DEPTOR: variants seen among roughly 807,000 people sequenced by gnomAD.
DEPTOR encodes DEP domain containing MTOR interacting protein, also known as DEP domain-containing mTOR-interacting protein.
DEPTOR carries 41 observed loss-of-function variants against 41.6 expected under a neutral mutation model. The ratio of observed to expected loss-of-function variants is 0.98; its 90% confidence interval spans 0.77 to 1.28. DEPTOR has a LOEUF of 1.28. DEPTOR is among the 50% of genes most tolerant of loss of function. DEPTOR has a pLI of 0.00. For missense variants in DEPTOR, 514 were observed against 527.9 expected (o/e 0.97, Z 0.26); for synonymous variants, 195 against 192.3 (o/e 1.01, Z -0.12).
At chr8:120,010,015 T>C (rs1280657303) in intron 8 of DEPTOR, among the ~76,000 whole-genome samples, 1 of 152,160 alleles carries the variant, frequency 6.6e-6, no homozygotes, top group Non-Finnish European at 1.5e-5. Flanking sequence ...TAGCACATAA[T>C]AGACCATACG....
chr8:119,949,128 A>G (rs1399204717), intron 3 of DEPTOR, among the ~76,000 whole-genome samples: 1 of 152,228 alleles, frequency 6.6e-6, no homozygotes, highest in Non-Finnish European at 1.5e-5. Context: ...GGAATAATAC[A>G]ATGTATGGCC....
At position 120,024,963 on chromosome 8, in the gene DEPTOR, T is replaced by A. The variant is rs566389731; in HGVS notation, c.1101+15830T>A. Among the ~76,000 whole-genome samples, 3 of 152,168 alleles carry A rather than the reference T, an allele frequency of 2.0e-5. No individual in the cohort carries two copies. In the East Asian group the frequency reaches 5.8e-4, roughly 29 times the overall value. On this transcript the variant is annotated intron_variant, in intron 8 of 8. Transcript: ENST00000286234. ...GTTTCTGTCATTGACCGGAAAAAAA[T>A]GTACAAACATCCTTCAACAAGTATT...
chr8:119,951,070 CAA>C (rs1478582274), intron 3 of DEPTOR, among the ~76,000 whole-genome samples: 1,529 of 112,650 alleles, frequency 0.014, 23 homozygotes, highest in African/African-American at 0.04. Context: ...TACACACACA[CAA>C]ACACACACAC....
intron 1 of DEPTOR, among the ~76,000 whole-genome samples, chr8:119,911,300 G>T: frequency 7.1e-6 from 1 of 141,312 alleles, no homozygotes; most frequent in African/African-American, 2.6e-5. Flanking sequence ...ACCATGCTAT[G>T]TACACACATT....
intron 8 of DEPTOR, among the ~76,000 whole-genome samples, chr8:120,034,099 C>T (rs2130180117): frequency 6.6e-6 from 1 of 152,214 alleles, no homozygotes; most frequent in South Asian, 2.1e-4. Flanking sequence ...TGGCTCTCTC[C>T]CCTGGGGGCA....
intron 8 of DEPTOR, among the ~76,000 whole-genome samples, chr8:120,026,861 T>C (rs1015163839): frequency 2.6e-5 from 4 of 152,230 alleles, no homozygotes; most frequent in Admixed American, 1.3e-4. Context: ...ACTATCATAG[T>C]TGTTTCAGAG....
At chr8:119,874,079 G>T (rs1827200321) in intron 1 of DEPTOR, 111 bp downstream of exon 1, 8 of 1,548,512 alleles carry the variant, frequency 5.2e-6, no homozygotes, top group Non-Finnish European at 1.7e-6. Flanking sequence ...CGCGTGGGGC[G>T]CCGGAACGGC....
intron 8 of DEPTOR, among the ~76,000 whole-genome samples, chr8:120,028,605 C>T (rs188376433): frequency 2.0e-5 from 3 of 151,628 alleles, no homozygotes; most frequent in Admixed American, 6.6e-5. Flanking sequence ...GGATTACAGG[C>T]GCCTGCCACC....
At chr8:120,033,642 T>G (rs1410947159) in intron 8 of DEPTOR, among the ~76,000 whole-genome samples, 1 of 152,220 alleles carries the variant, frequency 6.6e-6, no homozygotes, top group African/African-American at 2.4e-5. Flanking sequence ...GAACGAAGAT[T>G]TGGAGGGATC....
intron 7 of DEPTOR, among the ~76,000 whole-genome samples, chr8:120,008,126 A>G (rs886725275): frequency 2.6e-5 from 4 of 152,190 alleles, no homozygotes; most frequent in Admixed American, 6.5e-5. Flanking sequence ...CTAATTCCAA[A>G]CAACTTTTGG....
chr8:119,932,407 G>T (rs1828056619), intron 3 of DEPTOR, among the ~76,000 whole-genome samples: 1 of 138,014 alleles, frequency 7.2e-6, no homozygotes, highest in African/African-American at 2.6e-5. Flanking sequence ...AGTTATGATG[G>T]CAAGACAGTA....
At chr8:120,031,805 C>T (rs1002509684) in intron 8 of DEPTOR, among the ~76,000 whole-genome samples, 8 of 152,136 alleles carry the variant, frequency 5.3e-5, no homozygotes, top group Non-Finnish European at 1.2e-4. Context: ...CCTCCCTGCT[C>T]AAACCTGGGG....
At chr8:120,031,699 C>T (rs1037646841) in intron 8 of DEPTOR, among the ~76,000 whole-genome samples, 1 of 152,088 alleles carries the variant, frequency 6.6e-6, no homozygotes, top group African/African-American at 2.4e-5. Flanking sequence ...CCTTAAACTT[C>T]CTTCTCCTGT....
rs1302958217 is a variant in DEPTOR, at chr8:119,988,988, A to G, written c.605-12537A>G. Reference sequence around the variant, plus strand: ...TTTTTTTTTTTTTTTTTTAATAGAGATGGGGCTTTACCATGTTGCCCAGGC... The same window carrying G: ...TTTTTTTTTTTTTTTTTTAATAGAGGTGGGGCTTTACCATGTTGCCCAGGC... On this transcript the variant is annotated intron_variant, in intron 4 of 8. Coordinates refer to ENST00000286234, the MANE Select transcript of DEPTOR (RefSeq NM_022783.4). Among the ~76,000 whole-genome samples, 5 of 104,360 alleles carry G rather than the reference A, an allele frequency of 4.8e-5. No homozygotes were observed. The East Asian group carries it at 1.5e-3, about 30-fold the overall frequency. The allele number at this position is 104,360 out of a possible 152,430, so 68.5% of individuals were successfully genotyped here.
rs909670196 is a variant in DEPTOR, at chr8:119,961,555, A to G, written c.426-3677A>G. Among the ~76,000 whole-genome samples, 4 of 152,274 alleles carry G rather than the reference A, an allele frequency of 2.6e-5. No homozygotes were observed. In the East Asian group the frequency reaches 7.7e-4, roughly 29 times the overall value. ...GGCTCTGAGTCTAAAAGCATTGAAAATAAACATCATATGGCATTCAGGTAC... is the reference window on the plus strand; with the variant it reads ...GGCTCTGAGTCTAAAAGCATTGAAAGTAAACATCATATGGCATTCAGGTAC... On this transcript the variant is annotated intron_variant, in intron 3 of 8. Coordinates refer to ENST00000286234, the MANE Select transcript of DEPTOR (RefSeq NM_022783.4).
chr8:120,048,329 G>C (rs964402098), intron 8 of DEPTOR, among the ~76,000 whole-genome samples: 2 of 152,154 alleles, frequency 1.3e-5, no homozygotes, highest in African/African-American at 4.8e-5. Flanking sequence ...AAAAAACAAA[G>C]CCCAGGCTGA....
intron 3 of DEPTOR, among the ~76,000 whole-genome samples, chr8:119,938,899 TTCTC>T (rs745479521): frequency 7.3e-6 from 1 of 137,714 alleles, no homozygotes. Context: ...CTCTTTCTCT[TTCTC>T]TCTTTCTTTC....
intron 1 of DEPTOR, 98 bp from the exon 2 acceptor site, chr8:119,928,302 G>A (rs1827988663): frequency 7.7e-7 from 1 of 1,292,754 alleles, no homozygotes; most frequent in Non-Finnish European, 1.1e-6. Context: ...ACACCTTCAT[G>A]CCTTTAGAAC....
intron 3 of DEPTOR, among the ~76,000 whole-genome samples, chr8:119,937,217 T>C (rs1288835991): frequency 6.6e-6 from 1 of 151,908 alleles, no homozygotes; most frequent in Non-Finnish European, 1.5e-5. Context: ...CTGACCAATA[T>C]GGTGAAACCC....
Sources: allele counts gnomAD v4.1 joint callset (sites outside exome capture counted in the v4.1 genomes callset), GRCh38; gene constraint gnomAD v4.1.1; transcripts MANE v1.5; gene names NCBI Gene and HGNC (gene_info 2026-07-23, HGNC 2026-07-21).